NUMB: variants seen among roughly 807,000 people sequenced by gnomAD.
The protein encoded by NUMB is protein numb homolog.
Under a neutral mutation model 59.7 loss-of-function variants are expected in NUMB, and 29 were observed. The ratio of observed to expected loss-of-function variants is 0.49; its 90% CI spans 0.36 to 0.66. NUMB has a LOEUF of 0.66. NUMB is among the 30% of genes least tolerant of loss of function. The pLI, the probability that NUMB is intolerant of heterozygous loss-of-function variation, is 0.00. For synonymous variants in NUMB, 288 were observed against 288.2 expected (o/e 1.00, Z 0.01); for missense variants, 723 against 822.0 (o/e 0.88, Z 1.47).
intron 4 of NUMB, among the ~76,000 whole-genome samples, chr14:73,326,283 A>G (rs1211453359): frequency 6.6e-6 from 1 of 152,142 alleles, no homozygotes; most frequent in African/African-American, 2.4e-5. Flanking sequence ...TACACACAGA[A>G]TAGATCAGAA....
chr14:73,372,383 ATGTG>A (rs1363507221), intron 2 of NUMB, among the ~76,000 whole-genome samples: 9 of 136,130 alleles, frequency 6.6e-5, no homozygotes, highest in African/African-American at 2.5e-4. Flanking sequence ...ATATATATAA[ATGTG>A]TATGTCAGTG....
At chr14:73,414,501 T>C (rs1897036941) in intron 1 of NUMB, among the ~76,000 whole-genome samples, 1 of 152,138 alleles carries the variant, frequency 6.6e-6, no homozygotes, top group Non-Finnish European at 1.5e-5. Flanking sequence ...CAAGCAATTC[T>C]CTAGCCTCGG....
At chr14:73,397,630 A>G (rs1221440774) in intron 2 of NUMB, among the ~76,000 whole-genome samples, 1 of 152,108 alleles carries the variant, frequency 6.6e-6, no homozygotes, top group African/African-American at 2.4e-5. Context: ...AATTTTAGGG[A>G]TTTTCTTAAT....
intron 6 of NUMB, chr14:73,298,667 G>T (rs1253759658): frequency 6.6e-6 from 1 of 152,166 alleles, no homozygotes; most frequent in Non-Finnish European, 1.5e-5. Flanking sequence ...TGGTGCTAAG[G>T]TTGGCGCAGC....
chr14:73,296,650 A>T (rs1420499679), intron 7 of NUMB, among the ~76,000 whole-genome samples: 3 of 152,088 alleles, frequency 2.0e-5, no homozygotes, highest in Admixed American at 1.3e-4. Context: ...ACAATATAAT[A>T]CCCTTCAACA....
chr14:73,384,246 G>T (rs1220126720), intron 2 of NUMB, among the ~76,000 whole-genome samples: 1 of 150,932 alleles, frequency 6.6e-6, no homozygotes, highest in Non-Finnish European at 1.5e-5. Context: ...CCACCACCAT[G>T]CCCAGCTAAT....
intron 4 of NUMB, among the ~76,000 whole-genome samples, chr14:73,338,791 T>G (rs1014862156): frequency 1.3e-5 from 2 of 152,242 alleles, no homozygotes; most frequent in Non-Finnish European, 2.9e-5. Context: ...GCTATCTGGC[T>G]TCCTGTTTGA....
At chr14:73,351,850 C>G (rs1329089554) in intron 4 of NUMB, among the ~76,000 whole-genome samples, 1 of 151,770 alleles carries the variant, frequency 6.6e-6, no homozygotes, top group Admixed American at 6.6e-5. Flanking sequence ...GTGGCAGGCG[C>G]CTGTAGACCC....
chr14:73,337,184 C>A (rs1286212844), intron 4 of NUMB, among the ~76,000 whole-genome samples: 1 of 151,878 alleles, frequency 6.6e-6, no homozygotes, highest in Non-Finnish European at 1.5e-5. Context: ...AAAACTTTTG[C>A]TAAAGTTCAG....
At chr14:73,340,821 A>C (rs1014184636) in intron 4 of NUMB, among the ~76,000 whole-genome samples, 3 of 152,216 alleles carry the variant, frequency 2.0e-5, no homozygotes, top group Non-Finnish European at 4.4e-5. Context: ...CTGTGTCCCC[A>C]CTGAAATCTC....
chr14:73,342,521 C>A (rs1271111103), intron 4 of NUMB, among the ~76,000 whole-genome samples: 1 of 152,156 alleles, frequency 6.6e-6, no homozygotes, highest in Non-Finnish European at 1.5e-5. Context: ...AATACTAGAA[C>A]AGGTTGGTGT....
intron 1 of NUMB, among the ~76,000 whole-genome samples, chr14:73,436,397 AC>A (rs764941948): frequency 1.3e-5 from 2 of 151,924 alleles, no homozygotes; most frequent in Non-Finnish European, 2.9e-5. Flanking sequence ...GCTCACTGCA[AC>A]CTCTGCCCCC....
chr14:73,372,305 T>TTATATATATATATATATA (rs3028704), intron 2 of NUMB, among the ~76,000 whole-genome samples: 27 of 85,978 alleles, frequency 3.1e-4, no homozygotes, highest in Non-Finnish European at 4.1e-4. Context: ...TATATTTCTT[T>TTATATATATATATATATA]TATATATATA....
At chr14:73,440,617 G>A (rs891865977) in intron 1 of NUMB, among the ~76,000 whole-genome samples, 3 of 151,430 alleles carry the variant, frequency 2.0e-5, no homozygotes, top group African/African-American at 4.9e-5. Context: ...AGGCTGAGGC[G>A]GGCGGATCAC....
intron 6 of NUMB, among the ~76,000 whole-genome samples, chr14:73,303,397 T>C (rs994663710): frequency 2.0e-5 from 3 of 152,072 alleles, no homozygotes; most frequent in Non-Finnish European, 4.4e-5. Context: ...CTGGCCAACA[T>C]GGTGAAACCC....
chr14:73,362,153 G>A (rs745332432), intron 3 of NUMB, among the ~76,000 whole-genome samples: 1 of 151,908 alleles, frequency 6.6e-6, no homozygotes, highest in Non-Finnish European at 1.5e-5. Context: ...GCTACTTGGG[G>A]GGCTGGGGTG....
intron 1 of NUMB, among the ~76,000 whole-genome samples, chr14:73,418,142 T>G (rs962270247): frequency 1.3e-5 from 2 of 152,110 alleles, no homozygotes; most frequent in African/African-American, 4.8e-5. Context: ...AAATGGAATA[T>G]TCAGCCTTTA....
chr14:73,415,624 G>A (rs368661779), intron 1 of NUMB, among the ~76,000 whole-genome samples: 6 of 151,266 alleles, frequency 4.0e-5, no homozygotes, highest in African/African-American at 1.5e-4. Flanking sequence ...GAGCCACCAC[G>A]CTCAGCTAAT....
intron 2 of NUMB, among the ~76,000 whole-genome samples, chr14:73,371,037 T>C (rs973951680): frequency 1.4e-4 from 1 of 7,260 alleles, no homozygotes; most frequent in African/African-American, 3.6e-3. Flanking sequence ...GGACTCCCAT[T>C]CTCGGCCTCC....
Sources: gnomAD v4.1 joint callset for allele counts (sites outside exome capture counted in the v4.1 genomes callset) on GRCh38, gnomAD v4.1.1 for gene constraint, MANE v1.5 for transcripts, NCBI Gene and HGNC (gene_info 2026-07-23, HGNC 2026-07-21) for gene names.